The following CEP85L variants were observed in gnomAD, a reference collection of about 807,000 sequenced individuals.
CEP85L encodes centrosomal protein of 85 kDa-like.
CEP85L carries 60 observed loss-of-function variants against 100.3 expected under a neutral mutation model. The ratio of observed to expected loss-of-function variants is 0.60; its 90% CI spans 0.49 to 0.74. The LOEUF (loss-of-function observed/expected upper bound fraction) is 0.74, where lower values mean the gene tolerates loss of function less well. Ranked by LOEUF, CEP85L falls within the 30% of genes least tolerant of loss-of-function variation. The probability of loss-of-function intolerance (pLI) is 0.00; values close to 1 mark genes in which losing one functional copy is unlikely to be tolerated. For missense variants in CEP85L, 973 were observed against 936.2 expected (o/e 1.04, Z -0.51); for synonymous variants, 319 against 322.7 (o/e 0.99, Z 0.12).
chr6:118,685,519 G>A (rs1776801095), intron 1 of CEP85L, among the ~76,000 whole-genome samples: 1 of 152,094 alleles, frequency 6.6e-6, no homozygotes, highest in Non-Finnish European at 1.5e-5. Flanking sequence ...TGATTATTTA[G>A]TACAAGTAAA....
At chr6:118,598,503 T>A (rs1002971418) in intron 2 of CEP85L, among the ~76,000 whole-genome samples, 1 of 152,096 alleles carries the variant, frequency 6.6e-6, no homozygotes, top group East Asian at 1.9e-4. Flanking sequence ...TATCCCTATA[T>A]GGAGAGAGAA....
At chr6:118,653,743 CTG>C (rs372465732), upstream of CEP85L, among the ~76,000 whole-genome samples, 4 of 130,548 alleles carry the variant, frequency 3.1e-5, no homozygotes, top group African/African-American at 5.9e-5. Context: ...AATAGTGACT[CTG>C]TGTATGTGTG....
chr6:118,472,974 G>C (rs1361449841), intron 10 of CEP85L, among the ~76,000 whole-genome samples: 1 of 152,122 alleles, frequency 6.6e-6, no homozygotes, highest in Non-Finnish European at 1.5e-5. Context: ...TTGAATGAGG[G>C]AAAACCAGGT....
intron 2 of CEP85L, among the ~76,000 whole-genome samples, chr6:118,623,813 C>A (rs1427296023): frequency 6.6e-6 from 1 of 152,184 alleles, no homozygotes; most frequent in Non-Finnish European, 1.5e-5. Flanking sequence ...AACCTTAAAA[C>A]TTTACCCAAA....
chr6:118,490,982 T>C (rs953794213), intron 6 of CEP85L, among the ~76,000 whole-genome samples: 3 of 152,190 alleles, frequency 2.0e-5, no homozygotes, highest in South Asian at 2.1e-4. Context: ...TGTGCTGCTA[T>C]AAACAAGCAT....
At chr6:118,471,976 G>C (rs1772993430) in intron 10 of CEP85L, among the ~76,000 whole-genome samples, 1 of 151,494 alleles carries the variant, frequency 6.6e-6, no homozygotes, top group African/African-American at 2.4e-5. Flanking sequence ...ATTTTCTCAA[G>C]ATTTGTGACG....
At chr6:118,575,902 A>G (rs141640653) in intron 2 of CEP85L, among the ~76,000 whole-genome samples, 68 of 152,242 alleles carry the variant, frequency 4.5e-4, no homozygotes, top group African/African-American at 1.6e-3. Flanking sequence ...CTATACTGAA[A>G]TGCCCCCAAC....
chr6:118,496,118 T>C (rs925125808), intron 5 of CEP85L, among the ~76,000 whole-genome samples: 4 of 152,198 alleles, frequency 2.6e-5, no homozygotes, highest in African/African-American at 9.6e-5. Context: ...TTGGGTCAGA[T>C]GGTCACTTCT....
intron 12 of CEP85L, among the ~76,000 whole-genome samples, chr6:118,467,752 T>G (rs984442086): frequency 6.6e-6 from 1 of 152,208 alleles, no homozygotes; most frequent in African/African-American, 2.4e-5. Flanking sequence ...GTGTGTGAGC[T>G]TTGCTTCTTG....
chr6:118,585,198 A>C (rs1780788703), intron 2 of CEP85L, among the ~76,000 whole-genome samples: 1 of 152,240 alleles, frequency 6.6e-6, no homozygotes, highest in South Asian at 2.1e-4. Flanking sequence ...CAATTGAATT[A>C]AGCAAAGGAA....
chr6:118,585,300 C>T lies in CEP85L; in HGVS notation c.233-18984G>A, dbSNP rs531124287. 3.6e-4 allele frequency among the ~76,000 whole-genome samples: 55 copies of T among 152,300 alleles called. 2 individuals are homozygous for T. Among genetic ancestry groups the T allele is most frequent in the Non-Finnish European group, 5.7e-4 (39 of 68,026 alleles). ...GGAACGAAAGGCATTTTCTTACCAC[C>T]GATGGATCTCCTATAAATACCTCCA... On this transcript the variant is annotated intron_variant, in intron 2 of 12. Coordinates refer to ENST00000368491, the MANE Select transcript of CEP85L (RefSeq NM_001042475.3).
At chr6:118,527,308 C>T (rs754112536) in intron 3 of CEP85L, among the ~76,000 whole-genome samples, 2 of 151,992 alleles carry the variant, frequency 1.3e-5, no homozygotes, top group African/African-American at 4.8e-5. Flanking sequence ...TCCGGCTCTA[C>T]TTTCTTAACA....
At chr6:118,474,646 T>G (rs888908909) in intron 10 of CEP85L, among the ~76,000 whole-genome samples, 1 of 152,000 alleles carries the variant, frequency 6.6e-6, no homozygotes, top group African/African-American at 2.4e-5. Flanking sequence ...GCTACTAGAG[T>G]GGGGGTACCA....
At chr6:118,649,745 A>T (rs1775423131) in intron 1 of CEP85L, among the ~76,000 whole-genome samples, 1 of 151,594 alleles carries the variant, frequency 6.6e-6, no homozygotes, top group African/African-American at 2.4e-5. Context: ...AGAAAAAAAA[A>T]ATCCCTACTT....
intron 2 of CEP85L, among the ~76,000 whole-genome samples, chr6:118,625,007 C>T (rs538810742): frequency 1.3e-5 from 2 of 152,348 alleles, no homozygotes; most frequent in South Asian, 4.1e-4. Flanking sequence ...TCTTCCCTTG[C>T]GTTTCCAACC....
intron 5 of CEP85L, among the ~76,000 whole-genome samples, chr6:118,493,877 G>A (rs1285800681): frequency 1.3e-5 from 2 of 152,094 alleles, no homozygotes; most frequent in Non-Finnish European, 2.9e-5. Flanking sequence ...ATGGAACTCA[G>A]GAAGATGGCT....
chr6:118,637,728 T>G (rs1209479278), intron 1 of CEP85L, among the ~76,000 whole-genome samples: 1 of 80,280 alleles, frequency 1.2e-5, no homozygotes, highest in Non-Finnish European at 2.9e-5. Flanking sequence ...AAAAAAAAAG[T>G]TGTCTATATA....
intron 1 of CEP85L, among the ~76,000 whole-genome samples, chr6:118,639,980 A>C (rs12213494): frequency 0.013 from 1,954 of 152,354 alleles, 23 homozygotes; most frequent in Admixed American, 0.021. Flanking sequence ...TTTAGAGATC[A>C]GTAAATATTT....
At position 118,475,227 on chromosome 6, in the gene CEP85L, T is replaced by C. The variant is rs141622598; in HGVS notation, c.1915-4583A>G. On this transcript the variant is annotated intron_variant, in intron 10 of 12. Transcript: ENST00000368491. ...TTAGGGAAGTGACAAAAATGAGGCTTCTATTCGAGATGATAAAAATGTTCT... is the reference window on the plus strand; with the variant it reads ...TTAGGGAAGTGACAAAAATGAGGCTCCTATTCGAGATGATAAAAATGTTCT... 5.8e-3 allele frequency among the ~76,000 whole-genome samples: 889 copies of C among 152,278 alleles called. 6 individuals carry two copies. The highest frequency in any genetic ancestry group is 0.021 in the African/African-American group (859 of 41,560).
Sources: allele counts gnomAD v4.1 joint callset (sites outside exome capture counted in the v4.1 genomes callset), GRCh38; gene constraint gnomAD v4.1.1; transcripts MANE v1.5; gene names NCBI Gene and HGNC (gene_info 2026-07-23, HGNC 2026-07-21).